LMNTD1: variants seen among roughly 807,000 people sequenced by gnomAD.
LMNTD1 encodes the protein lamin tail domain-containing protein 1.
Under a neutral mutation model 50.9 loss-of-function variants are expected in LMNTD1, and 35 were observed. The ratio of observed to expected loss-of-function variants is 0.69; its 90% confidence interval spans 0.53 to 0.91. LMNTD1 has a LOEUF of 0.91. LMNTD1 is among the 40% of genes least tolerant of loss of function. The pLI is 0.00. For missense variants in LMNTD1, 470 were observed against 475.5 expected (o/e 0.99, Z 0.11); for synonymous variants, 153 against 161.9 (o/e 0.94, Z 0.42).
intron 1 of LMNTD1, chr12:25,630,691 T>C (rs1216212411): frequency 6.6e-6 from 1 of 152,200 alleles, no homozygotes; most frequent in African/African-American, 2.4e-5. Context: ...AGCAGCCCAT[T>C]CCTGCCTGGC....
intron 8 of LMNTD1, among the ~76,000 whole-genome samples, chr12:25,511,982 C>T (rs1940333055): frequency 6.6e-6 from 1 of 152,178 alleles, no homozygotes; most frequent in Admixed American, 6.5e-5. Context: ...GCTATCTCCC[C>T]TGAGCCTTTT....
chr12:25,558,424 C>G (rs1277122445), intron 1 of LMNTD1, among the ~76,000 whole-genome samples: 1 of 152,156 alleles, frequency 6.6e-6, no homozygotes, highest in Non-Finnish European at 1.5e-5. Context: ...AAAATTCCCT[C>G]TTAGTACTGC....
intron 1 of LMNTD1, among the ~76,000 whole-genome samples, chr12:25,639,845 A>G (rs1946915029): frequency 6.6e-6 from 1 of 152,246 alleles, no homozygotes; most frequent in Non-Finnish European, 1.5e-5. Flanking sequence ...CAAAAGCTAT[A>G]TGTGAACATG....
intron 1 of LMNTD1, among the ~76,000 whole-genome samples, chr12:25,640,148 G>A (rs7976449): frequency 1.3e-5 from 2 of 151,978 alleles, no homozygotes; most frequent in African/African-American, 4.8e-5. Flanking sequence ...GGTGACTTGG[G>A]GGGAGAGGAG....
intron 1 of LMNTD1, among the ~76,000 whole-genome samples, chr12:25,573,316 C>T (rs187133473): frequency 1.3e-5 from 2 of 152,240 alleles, no homozygotes; most frequent in East Asian, 3.9e-4. Flanking sequence ...TTTTTCCAAC[C>T]CTTCTCAGCT....
At position 25,476,180 on chromosome 12, in the gene LMNTD1, A is replaced by G. The variant is rs1270645205; in HGVS notation, c.*303T>C. The G allele has an allele frequency of 6.6e-6, 1 of 152,268 alleles. No homozygotes were observed. Among genetic ancestry groups the G allele is most frequent in the East Asian group, 1.9e-4 (1 of 5,206 alleles). The allele number at this position is 152,268 out of a possible 1,614,324, so 9.4% of individuals were successfully genotyped here. A position where few individuals can be genotyped will look rare whatever the true frequency, so the allele number is the denominator to read the frequency against. On this transcript the variant is annotated 3_prime_UTR_variant, in exon 10 of 10. Transcript: ENST00000458174. The stretch of plus-strand genomic sequence containing the variant: ...TACCCAAAATAACTTTGTTTACAAA[A>G]AGAGAAATCTAAGGCAAATAGCAAT...
chr12:25,519,510 C>G (rs557642434), intron 7 of LMNTD1, among the ~76,000 whole-genome samples: 5 of 149,150 alleles, frequency 3.4e-5, no homozygotes, highest in African/African-American at 9.8e-5. Flanking sequence ...ATGGCGTGAA[C>G]CGGCAGGGCG....
intron 1 of LMNTD1, among the ~76,000 whole-genome samples, chr12:25,589,983 G>C (rs1945648093): frequency 6.6e-6 from 1 of 152,146 alleles, no homozygotes; most frequent in Non-Finnish European, 1.5e-5. Flanking sequence ...AGAAGGGGCA[G>C]AGCAAGACAG....
chr12:25,622,463 G>GCTCCCCC (rs1555124240), intron 1 of LMNTD1, among the ~76,000 whole-genome samples: 2 of 111,154 alleles, frequency 1.8e-5, no homozygotes, highest in African/African-American at 6.0e-5. Context: ...GAGTTTGTGA[G>GCTCCCCC]CCCGCCCCCC....
intron 9 of LMNTD1, among the ~76,000 whole-genome samples, chr12:25,484,091 A>G (rs6487492): frequency 0.19 from 28,469 of 151,950 alleles, 3,001 homozygotes; most frequent in Middle Eastern, 0.25. Flanking sequence ...GTAAATTAAA[A>G]AAAAATGTTG....
chr12:25,612,318 A>ACG (rs1565518967), intron 1 of LMNTD1, among the ~76,000 whole-genome samples: 25 of 121,180 alleles, frequency 2.1e-4, no homozygotes, highest in Non-Finnish European at 4.5e-4. Context: ...ACACACACAC[A>ACG]CACACACACA....
chr12:25,553,263 C>T lies in LMNTD1; in HGVS notation c.-225G>A. ...GCAGCTTGAGAGGGCAGTAACTTGG[C>T]AAAGAGACCTTTATGACTACAGTTG... On this transcript the variant is annotated 5_prime_UTR_variant, in exon 1 of 10. Transcript: ENST00000458174. 1 of 1,452,628 alleles carries T rather than the reference C, an allele frequency of 6.9e-7. No individual in the cohort carries two copies. Among genetic ancestry groups the T allele is most frequent in the African/African-American group, 1.4e-5 (1 of 69,924 alleles). The allele number at this position is 1,452,628 out of a possible 1,614,324, so 90.0% of individuals were successfully genotyped here.
At chr12:25,600,758 A>G in intron 1 of LMNTD1, among the ~76,000 whole-genome samples, 1 of 152,108 alleles carries the variant, frequency 6.6e-6, no homozygotes, top group East Asian at 1.9e-4. Context: ...ATACCATTTC[A>G]TCTCAGTTAA....
At chr12:25,526,316 G>A in intron 5 of LMNTD1, 98 bp from the exon 6 acceptor site, 1 of 1,152,936 alleles carries the variant, frequency 8.7e-7, no homozygotes, top group Non-Finnish European at 1.2e-6. Flanking sequence ...AACAGATGAG[G>A]TTTTAAAATA....
chr12:25,501,227 G>A (rs1939369244), intron 9 of LMNTD1, among the ~76,000 whole-genome samples: 1 of 152,140 alleles, frequency 6.6e-6, no homozygotes, highest in Non-Finnish European at 1.5e-5. Context: ...CTGACCTCAA[G>A]TAATCCACCT....
chr12:25,555,081 AG>A (rs969322773), upstream of LMNTD1, among the ~76,000 whole-genome samples: 6 of 151,750 alleles, frequency 4.0e-5, no homozygotes, highest in Admixed American at 1.3e-4. Context: ...AAAAAAAAAA[AG>A]ATTAGAATTA....
In LMNTD1 at chr12:25,497,127, C is replaced by A. The variant is rs1293833261; in HGVS notation, c.*22+6611G>T. On this transcript the variant is annotated intron_variant, in intron 9 of 9. Transcript: ENST00000458174. Reference sequence around the variant, plus strand: ...ATCTGTCGATGAACACGTGTTGTTTCTATTTTTGGGCTTTTGTGAATAATA... The same window carrying A: ...ATCTGTCGATGAACACGTGTTGTTTATATTTTTGGGCTTTTGTGAATAATA... Among the ~76,000 whole-genome samples, 3 of 152,008 alleles carry A rather than the reference C, an allele frequency of 2.0e-5. No individual in the cohort carries two copies. The East Asian group carries it at 5.8e-4, about 29-fold the overall frequency.
At chr12:25,515,250 C>T (rs77375718) in intron 8 of LMNTD1, among the ~76,000 whole-genome samples, 3,594 of 151,110 alleles carry the variant, frequency 0.024, 109 homozygotes, top group South Asian at 0.088. Context: ...ATATTATTGA[C>T]GAGAAAAACA....
chr12:25,519,510 C>A (rs557642434), intron 7 of LMNTD1, among the ~76,000 whole-genome samples: 13 of 149,054 alleles, frequency 8.7e-5, no homozygotes, highest in African/African-American at 3.2e-4. Context: ...ATGGCGTGAA[C>A]CGGCAGGGCG....
Sources: gnomAD v4.1 joint callset for allele counts (sites outside exome capture counted in the v4.1 genomes callset) on GRCh38, gnomAD v4.1.1 for gene constraint, MANE v1.5 for transcripts, NCBI Gene and HGNC (gene_info 2026-07-23, HGNC 2026-07-21) for gene names.